SIDT1: variants seen among roughly 807,000 people sequenced by gnomAD.
SIDT1 encodes the protein SID1 transmembrane family member 1, also known as SID1 transmembrane family, member 1.
A neutral mutation model predicts 107.5 loss-of-function variants in SIDT1; 101 were observed. The ratio of observed to expected loss-of-function variants is 0.94; its 90% CI spans 0.80 to 1.11. The LOEUF (loss-of-function observed/expected upper bound fraction) is 1.11, where lower values mean the gene tolerates loss of function less well. Ranked by LOEUF, SIDT1 falls within the 50% of genes least tolerant of loss-of-function variation. The pLI, the probability that SIDT1 is intolerant of heterozygous loss-of-function variation, is 0.00. For synonymous variants in SIDT1, 395 were observed against 398.2 expected (o/e 0.99, Z 0.10); for missense variants, 1,076 against 1,058.2 (o/e 1.02, Z -0.23).
chr3:113,636,182 AT>A, the SIDT1 span, among the ~76,000 whole-genome samples: 3 of 152,092 alleles, frequency 2.0e-5, no homozygotes, highest in Non-Finnish European at 4.4e-5. Flanking sequence ...AGGGGGCCAG[AT>A]CACTTGAGGT....
chr3:113,559,986 T>C (rs933467439), intron 1 of SIDT1, among the ~76,000 whole-genome samples: 1 of 152,166 alleles, frequency 6.6e-6, no homozygotes, highest in African/African-American at 2.4e-5. Context: ...TTCAAAATAG[T>C]GATGGCAGCA....
chr3:113,553,637 A>G (rs951081554), intron 1 of SIDT1, among the ~76,000 whole-genome samples: 8 of 152,256 alleles, frequency 5.3e-5, no homozygotes, highest in Admixed American at 5.2e-4. Context: ...AATCATGCAC[A>G]GAAGATGAGC....
intron 19 of SIDT1, 177 bp from the exon 20 acceptor site, chr3:113,615,923 T>G (rs1212008120): frequency 6.3e-6 from 4 of 639,468 alleles, no homozygotes; most frequent in Non-Finnish European, 8.5e-6. Flanking sequence ...CATCCCTCTA[T>G]GACGATACCA....
chr3:113,596,634 C>T (rs1944572569), intron 10 of SIDT1, among the ~76,000 whole-genome samples: 1 of 152,166 alleles, frequency 6.6e-6, no homozygotes, highest in South Asian at 2.1e-4. Flanking sequence ...CTGAGAGGTA[C>T]TAAGAAAGGC....
chr3:113,537,049 C>A (rs1938253540), intron 1 of SIDT1, among the ~76,000 whole-genome samples: 1 of 152,206 alleles, frequency 6.6e-6, no homozygotes, highest in African/African-American at 2.4e-5. Context: ...AGACAGTTGG[C>A]AGCAACAATC....
At position 113,593,061 on chromosome 3, in the gene SIDT1, C is replaced by A; in HGVS notation, c.1045+13C>A. 6.2e-7 allele frequency: 1 copy of A among 1,609,076 alleles called. No homozygotes were observed. Among genetic ancestry groups the A allele is most frequent in the Non-Finnish European group, 8.5e-7 (1 of 1,175,388 alleles). Reference sequence around the variant, plus strand: ...GGGTCCAATGATGGTAAGAGCAATGCTTGGTTTCAATTCAAAATGGTGTCG... The same window carrying A: ...GGGTCCAATGATGGTAAGAGCAATGATTGGTTTCAATTCAAAATGGTGTCG... On this transcript the variant is annotated intron_variant, in intron 10 of 24. Coordinates refer to ENST00000264852, the MANE Select transcript of SIDT1 (RefSeq NM_017699.3).
chr3:113,552,180 C>T (rs892923361), intron 1 of SIDT1, among the ~76,000 whole-genome samples: 1 of 152,160 alleles, frequency 6.6e-6, no homozygotes, highest in African/African-American at 2.4e-5. Context: ...TTCTTTTCTC[C>T]TGCCTTCTAA....
chr3:113,607,297 A>G (rs1945406106), intron 15 of SIDT1, among the ~76,000 whole-genome samples, 183 bp downstream of exon 15: 1 of 152,238 alleles, frequency 6.6e-6, no homozygotes. Context: ...TGTGGTTCTC[A>G]GGAAACATTC....
chr3:113,545,501 C>T (rs1335265037), intron 1 of SIDT1, among the ~76,000 whole-genome samples: 2 of 152,164 alleles, frequency 1.3e-5, no homozygotes, highest in East Asian at 3.8e-4. Context: ...AAGAATCTCT[C>T]TCTCACTCTA....
intron 9 of SIDT1, chr3:113,588,629 CATGCGTTT>C (rs1241307572): frequency 5.9e-5 from 9 of 152,224 alleles, no homozygotes; most frequent in Non-Finnish European, 1.3e-4. Flanking sequence ...GTCCATTCAA[CATGCGTTT>C]ATGAAGCCCC....
intron 22 of SIDT1, 31 bp downstream of exon 22, chr3:113,623,563 G>T (rs761722180): frequency 1.9e-6 from 3 of 1,599,734 alleles, no homozygotes; most frequent in Admixed American, 1.7e-5. Flanking sequence ...CGGCTACCTC[G>T]GGCCCTCGGG....
At chr3:113,576,609 C>A (rs968216385) in intron 3 of SIDT1, among the ~76,000 whole-genome samples, 3 of 152,130 alleles carry the variant, frequency 2.0e-5, no homozygotes, top group African/African-American at 4.8e-5. Flanking sequence ...AAATCAAGCA[C>A]AAGAGAGTCC....
intron 9 of SIDT1, among the ~76,000 whole-genome samples, chr3:113,591,989 C>T (rs1039756344): frequency 5.3e-5 from 8 of 152,212 alleles, no homozygotes; most frequent in Non-Finnish European, 1.0e-4. Flanking sequence ...ACGCATACTA[C>T]AGCATGGATG....
intron 8 of SIDT1, 144 bp downstream of exon 8, chr3:113,584,913 G>A (rs1215781944): frequency 8.8e-6 from 6 of 679,880 alleles, no homozygotes; most frequent in Non-Finnish European, 1.5e-5. Context: ...AAGGGAGTCA[G>A]AGCATTTTGT....
intron 1 of SIDT1, among the ~76,000 whole-genome samples, chr3:113,564,556 G>A (rs531994894): frequency 7.9e-5 from 12 of 152,254 alleles, no homozygotes; most frequent in Non-Finnish European, 1.3e-4. Context: ...CACTGGGGGC[G>A]GAGGGGAGGA....
chr3:113,539,213 A>G (rs1351822215), intron 1 of SIDT1, among the ~76,000 whole-genome samples: 5 of 152,226 alleles, frequency 3.3e-5, no homozygotes, highest in Non-Finnish European at 7.3e-5. Context: ...TAGCATAATC[A>G]TGAGCTTATG....
chr3:113,617,550 C>T (rs2107776835), intron 20 of SIDT1, among the ~76,000 whole-genome samples: 1 of 152,298 alleles, frequency 6.6e-6, no homozygotes, highest in Admixed American at 6.5e-5. Context: ...ATATGGAAAT[C>T]CGTGAGCACT....
chr3:113,575,390 G>A (rs1942819585), intron 3 of SIDT1, among the ~76,000 whole-genome samples: 1 of 152,222 alleles, frequency 6.6e-6, no homozygotes. Flanking sequence ...GTAACACCGG[G>A]AGACACTCCC....
intron 3 of SIDT1, among the ~76,000 whole-genome samples, chr3:113,569,244 A>G (rs566887425): frequency 1.3e-5 from 2 of 152,248 alleles, no homozygotes; most frequent in East Asian, 3.9e-4. Context: ...TGATGCTGGA[A>G]GTCAGAATAG....
Sources: gnomAD v4.1 joint callset for allele counts (sites outside exome capture counted in the v4.1 genomes callset) on GRCh38, gnomAD v4.1.1 for gene constraint, MANE v1.5 for transcripts, NCBI Gene and HGNC (gene_info 2026-07-23, HGNC 2026-07-21) for gene names.